Variants in ACOXL observed in about 807,000 individuals in gnomAD.
ACOXL encodes acyl-CoA oxidase like, also known as acyl-coenzyme A oxidase-like protein.
A neutral mutation model predicts 71.9 loss-of-function variants in ACOXL; 70 were observed. That is an observed-to-expected ratio of 0.97 (90% CI 0.80 to 1.19). The LOEUF is 1.19. Ranked by LOEUF, ACOXL falls within the 50% of genes most tolerant of loss-of-function variation. The probability of loss-of-function intolerance (pLI) is 0.00; values close to 1 mark genes in which losing one functional copy is unlikely to be tolerated. For missense variants in ACOXL, 703 were observed against 736.3 expected, an observed-to-expected ratio of 0.95 and a Z score of 0.52; for synonymous variants, 253 against 281.6, an observed-to-expected ratio of 0.90 and a Z score of 1.02.
chr2:110,813,896 CA>C (rs1286458843), intron 9 of ACOXL, among the ~76,000 whole-genome samples: 1 of 152,168 alleles, frequency 6.6e-6, no homozygotes, highest in Non-Finnish European at 1.5e-5. Flanking sequence ...TCCCATTTTC[CA>C]CATGAGGAAC....
intron 1 of ACOXL, among the ~76,000 whole-genome samples, chr2:110,739,177 T>A (rs1677209607): frequency 6.6e-6 from 1 of 152,216 alleles, no homozygotes; most frequent in Non-Finnish European, 1.5e-5. Context: ...ATGGGAAATG[T>A]GAATAGAAGG....
chr2:110,858,267 C>T (rs1037114132), intron 10 of ACOXL, among the ~76,000 whole-genome samples: 11 of 152,144 alleles, frequency 7.2e-5, no homozygotes, highest in African/African-American at 2.7e-4. Context: ...TTTGTTTGTT[C>T]TGGCTGCATC....
chr2:110,800,236 C>T (rs1187166635), intron 7 of ACOXL, among the ~76,000 whole-genome samples: 1 of 152,148 alleles, frequency 6.6e-6, no homozygotes. Context: ...GTCAGCAAGA[C>T]CACGAATCCA....
intron 10 of ACOXL, among the ~76,000 whole-genome samples, chr2:110,882,483 A>T (rs145915105): frequency 5.3e-5 from 8 of 152,190 alleles, no homozygotes; most frequent in East Asian, 1.9e-4. Flanking sequence ...AAAACCCAAC[A>T]TATTATTTTT....
At chr2:110,815,563 G>T (rs1164680049) in intron 9 of ACOXL, among the ~76,000 whole-genome samples, 1 of 152,188 alleles carries the variant, frequency 6.6e-6, no homozygotes, top group Non-Finnish European at 1.5e-5. Context: ...TGTATGTGCT[G>T]CCATGTCTGT....
chr2:111,042,426 C>T (rs2065826807), intron 15 of ACOXL, among the ~76,000 whole-genome samples: 1 of 152,228 alleles, frequency 6.6e-6, no homozygotes, highest in African/African-American at 2.4e-5. Context: ...CAGGCTCCCA[C>T]GTGGTGTCAC....
chr2:110,798,539 A>G (rs1685556798), intron 5 of ACOXL, 71 bp from the exon 6 acceptor site: 4 of 1,296,000 alleles, frequency 3.1e-6, no homozygotes, highest in Non-Finnish European at 4.5e-6. Context: ...TACAGTATTC[A>G]TTGCTTTGAG....
chr2:111,079,107 G>T (rs2067759403), intron 16 of ACOXL, among the ~76,000 whole-genome samples: 1 of 152,100 alleles, frequency 6.6e-6, no homozygotes, highest in African/African-American at 2.4e-5. Context: ...ATAAATTTAT[G>T]GAGTACAGTG....
chr2:111,086,005 G>C (rs2068188220), intron 16 of ACOXL, among the ~76,000 whole-genome samples: 1 of 152,004 alleles, frequency 6.6e-6, no homozygotes, highest in African/African-American at 2.4e-5. Context: ...TCCTCCCAAG[G>C]CTGAACTAGG....
chr2:110,997,869 C>T (rs1206282133), intron 14 of ACOXL, among the ~76,000 whole-genome samples: 2 of 151,844 alleles, frequency 1.3e-5, no homozygotes. Flanking sequence ...GGCAACATGG[C>T]AAAATCCCAT....
intron 12 of ACOXL, among the ~76,000 whole-genome samples, chr2:110,974,780 G>T (rs2062371206): frequency 6.6e-6 from 1 of 152,196 alleles, no homozygotes; most frequent in Non-Finnish European, 1.5e-5. Context: ...CGGGAAGCCT[G>T]GTAGTAATAC....
chr2:110,771,846 T>G (rs1681981917), intron 2 of ACOXL, among the ~76,000 whole-genome samples: 1 of 152,226 alleles, frequency 6.6e-6, no homozygotes, highest in South Asian at 2.1e-4. Flanking sequence ...CAACTGCCTC[T>G]ATTTCCAGAT....
chr2:110,810,082 AG>A (rs937226280), intron 9 of ACOXL, among the ~76,000 whole-genome samples: 1 of 152,184 alleles, frequency 6.6e-6, no homozygotes, highest in Non-Finnish European at 1.5e-5. Flanking sequence ...CAGGTGTCAG[AG>A]TGTCACATTC....
At chr2:110,812,755 T>C (rs1559296245) in intron 9 of ACOXL, among the ~76,000 whole-genome samples, 1 of 152,238 alleles carries the variant, frequency 6.6e-6, no homozygotes, top group Non-Finnish European at 1.5e-5. Flanking sequence ...GAATTTCCAT[T>C]TTGAATTTGC....
intron 12 of ACOXL, among the ~76,000 whole-genome samples, chr2:110,979,821 G>T (rs2149519841): frequency 6.6e-6 from 1 of 152,284 alleles, no homozygotes; most frequent in South Asian, 2.1e-4. Context: ...TTTCCAAGGG[G>T]GCTGTAACCT....
chr2:110,823,607 T>C (rs1277771432), intron 9 of ACOXL, among the ~76,000 whole-genome samples: 1 of 152,222 alleles, frequency 6.6e-6, no homozygotes, highest in South Asian at 2.1e-4. Flanking sequence ...TGCTTGCCAT[T>C]CTGGGTCCTT....
intron 9 of ACOXL, among the ~76,000 whole-genome samples, chr2:110,834,491 C>T (rs1016913906): frequency 6.6e-6 from 1 of 152,210 alleles, no homozygotes; most frequent in Non-Finnish European, 1.5e-5. Context: ...AGAGGAACTA[C>T]CTGGAGTGAA....
chr2:110,789,872 G>T (rs1002756767), intron 3 of ACOXL, among the ~76,000 whole-genome samples: 1 of 152,208 alleles, frequency 6.6e-6, no homozygotes, highest in African/African-American at 2.4e-5. Flanking sequence ...TGTTGTTTAG[G>T]AATGGCCTGG....
At chr2:110,823,273 T>C (rs1303467506) in intron 9 of ACOXL, among the ~76,000 whole-genome samples, 1 of 151,626 alleles carries the variant, frequency 6.6e-6, no homozygotes, top group East Asian at 1.9e-4. Context: ...AAAAGATTCA[T>C]CTATGTTTTT....
Sources: allele counts gnomAD v4.1 joint callset (sites outside exome capture counted in the v4.1 genomes callset), GRCh38; gene constraint gnomAD v4.1.1; transcripts MANE v1.5; gene names NCBI Gene and HGNC (gene_info 2026-07-23, HGNC 2026-07-21).